The following DAB1 variants were observed in gnomAD, a reference collection of about 807,000 sequenced individuals.
DAB1 encodes the protein DAB adaptor protein 1.
Under a neutral mutation model 64.6 loss-of-function variants are expected in DAB1, and 15 were observed. The observed-to-expected ratio is 0.23, with a 90% CI of 0.16 to 0.36. The LOEUF (loss-of-function observed/expected upper bound fraction) is 0.36. DAB1 is among the 10% of genes least tolerant of loss of function. The probability of loss-of-function intolerance (pLI) is 1.00; values close to 1 mark genes in which losing one functional copy is unlikely to be tolerated. For synonymous variants in DAB1, 235 were observed against 251.9 expected (o/e 0.93, Z 0.64); for missense variants, 596 against 706.7 (o/e 0.84, Z 1.78).
chr1:58,362,474 T>C (rs555517363), intron 3 of DAB1, among the ~76,000 whole-genome samples: 1 of 152,134 alleles, frequency 6.6e-6, no homozygotes, highest in South Asian at 2.1e-4. Context: ...AGCTTTTGAG[T>C]CCATGATCTA....
intron 4 of DAB1, among the ~76,000 whole-genome samples, chr1:58,339,874 A>G (rs1663210082): frequency 6.6e-6 from 1 of 152,208 alleles, no homozygotes; most frequent in African/African-American, 2.4e-5. Flanking sequence ...TTTAAATACA[A>G]GATTTTATGA....
At chr1:57,001,937 C>T (rs985622288) in intron 14 of DAB1, among the ~76,000 whole-genome samples, 5 of 152,174 alleles carry the variant, frequency 3.3e-5, no homozygotes, top group African/African-American at 1.2e-4. Flanking sequence ...GCATGTTCTA[C>T]ACTGAGCTCC....
chr1:57,544,691 G>A (rs1260257976), intron 7 of DAB1, among the ~76,000 whole-genome samples: 1 of 152,282 alleles, frequency 6.6e-6, no homozygotes, highest in Non-Finnish European at 1.5e-5. Flanking sequence ...CCAGTGGGGG[G>A]TAATAGAATC....
rs534415758 is a variant in DAB1 at position 58,509,772 on chromosome 1, T to C, written n.108-3563A>G. On this transcript the variant is annotated intron_variant and non_coding_transcript_variant, in intron 2 of 20. Transcript: ENST00000485760. ...CGTTAGAGTAAGAAAAAAAAAGACT[T>C]AAGTGAACAAAATCAGAAACAAAAG... 5.2e-4 allele frequency among the ~76,000 whole-genome samples: 79 copies of C among 151,720 alleles called. 2 individuals are homozygous for C. In the South Asian group the frequency reaches 0.016, roughly 32 times the overall value.
At chr1:57,771,052 G>A (rs548744363) in intron 6 of DAB1, among the ~76,000 whole-genome samples, 23 of 152,268 alleles carry the variant, frequency 1.5e-4, no homozygotes, top group Admixed American at 3.9e-4. Context: ...GAAGTAAGTC[G>A]AAGCACAAGA....
chr1:57,119,864 C>G (rs991999683), intron 4 of DAB1, among the ~76,000 whole-genome samples: 1 of 152,130 alleles, frequency 6.6e-6, no homozygotes, highest in Admixed American at 6.6e-5. Context: ...ATCAGTCTCC[C>G]CATTTTCAGT....
At chr1:57,570,932 C>A (rs1645186900) in intron 7 of DAB1, among the ~76,000 whole-genome samples, 1 of 152,094 alleles carries the variant, frequency 6.6e-6, no homozygotes, top group Admixed American at 6.6e-5. Context: ...TAGGTATATT[C>A]CTAAGTATTT....
At chr1:58,217,922 T>A (rs1658941513) in intron 4 of DAB1, among the ~76,000 whole-genome samples, 1 of 152,064 alleles carries the variant, frequency 6.6e-6, no homozygotes, top group Non-Finnish European at 1.5e-5. Flanking sequence ...CTATATCAGC[T>A]TTACAGAAAA....
chr1:57,524,276 T>C (rs1391390096), intron 7 of DAB1, among the ~76,000 whole-genome samples: 3 of 152,032 alleles, frequency 2.0e-5, no homozygotes, highest in Non-Finnish European at 4.4e-5. Flanking sequence ...AAGTACCCCT[T>C]GAGAATCCAA....
intron 3 of DAB1, among the ~76,000 whole-genome samples, chr1:58,416,469 T>G (rs1357677472): frequency 6.6e-6 from 1 of 152,214 alleles, no homozygotes; most frequent in Admixed American, 6.5e-5. Context: ...AAAGGTGTGG[T>G]AATTGTAAAA....
At chr1:57,666,901 G>GGA (rs1039932011) in intron 6 of DAB1, among the ~76,000 whole-genome samples, 6 of 151,346 alleles carry the variant, frequency 4.0e-5, no homozygotes, top group South Asian at 2.1e-4. Context: ...AAGGGGAGGG[G>GGA]GAGAGAGAGA....
At chr1:57,239,985 G>C (rs1440791465) in intron 2 of DAB1, among the ~76,000 whole-genome samples, 1 of 152,182 alleles carries the variant, frequency 6.6e-6, no homozygotes, top group Non-Finnish European at 1.5e-5. Context: ...TTTTGACTCT[G>C]ATTATTTGAA....
chr1:57,351,887 C>T (rs1269252121), intron 1 of DAB1, among the ~76,000 whole-genome samples: 1 of 152,164 alleles, frequency 6.6e-6, no homozygotes, highest in Non-Finnish European at 1.5e-5. Context: ...TACCCAACTA[C>T]TTAGCATGTA....
chr1:57,125,176 G>A (rs114642026), intron 4 of DAB1, among the ~76,000 whole-genome samples: 105 of 152,176 alleles, frequency 6.9e-4, no homozygotes, highest in African/African-American at 2.4e-3. Context: ...CACATGTTCC[G>A]TATACATGCT....
chr1:57,633,408 G>A (rs957940316), intron 7 of DAB1, among the ~76,000 whole-genome samples: 3 of 152,206 alleles, frequency 2.0e-5, no homozygotes, highest in African/African-American at 7.2e-5. Context: ...TGCTGATGCT[G>A]CTGAACCTGG....
At chr1:57,255,290 T>A (rs1041743384) in intron 2 of DAB1, among the ~76,000 whole-genome samples, 1 of 152,186 alleles carries the variant, frequency 6.6e-6, no homozygotes, top group Non-Finnish European at 1.5e-5. Flanking sequence ...TTTTATCATA[T>A]ACTTTATCTT....
chr1:58,288,264 T>G (rs370382004), intron 4 of DAB1, among the ~76,000 whole-genome samples: 29 of 152,304 alleles, frequency 1.9e-4, no homozygotes, highest in African/African-American at 4.8e-4. Flanking sequence ...CTTGGTATCT[T>G]TTACTCCAAA....
chr1:58,489,447 G>A (rs1645636889), intron 3 of DAB1, among the ~76,000 whole-genome samples: 1 of 152,226 alleles, frequency 6.6e-6, no homozygotes, highest in Non-Finnish European at 1.5e-5. Context: ...CAGCTGGGAA[G>A]CTCGAACTGG....
At chr1:58,192,556 G>A (rs544183291) in intron 4 of DAB1, among the ~76,000 whole-genome samples, 6 of 152,210 alleles carry the variant, frequency 3.9e-5, no homozygotes, top group South Asian at 4.2e-4. Flanking sequence ...TTAGGATAAC[G>A]GTCTCCAGTT....
Sources: gnomAD v4.1 joint callset for allele counts (sites outside exome capture counted in the v4.1 genomes callset) on GRCh38, gnomAD v4.1.1 for gene constraint, MANE v1.5 for transcripts, NCBI Gene and HGNC (gene_info 2026-07-23, HGNC 2026-07-21) for gene names.